FILIP1: variants seen among roughly 807,000 people sequenced by gnomAD.
The protein encoded by FILIP1 is filamin-A-interacting protein 1.
Under a neutral mutation model 102.1 loss-of-function variants are expected in FILIP1, and 61 were observed. The observed-to-expected ratio is 0.60, with a 90% CI of 0.49 to 0.74. The LOEUF (loss-of-function observed/expected upper bound fraction) is 0.74, where lower values mean the gene tolerates loss of function less well. Ranked by LOEUF, FILIP1 falls within the 30% of genes least tolerant of loss-of-function variation. FILIP1 has a pLI of 0.00. For missense variants in FILIP1, 1,314 were observed against 1,441.2 expected, an observed-to-expected ratio of 0.91 and a Z score of 1.43; for synonymous variants, 491 against 526.9, an observed-to-expected ratio of 0.93 and a Z score of 0.93.
intron 1 of FILIP1, among the ~76,000 whole-genome samples, chr6:75,461,524 C>A (rs1779022504): frequency 6.6e-6 from 1 of 151,980 alleles, no homozygotes; most frequent in South Asian, 2.1e-4. Context: ...AAGAAAAAAA[C>A]AAAGTCCATT....
At chr6:75,446,720 C>T (rs1335116838) in intron 1 of FILIP1, among the ~76,000 whole-genome samples, 1 of 152,130 alleles carries the variant, frequency 6.6e-6, no homozygotes, top group Non-Finnish European at 1.5e-5. Context: ...CCTTGGTTTG[C>T]CCCAGTTCAC....
In FILIP1 at chr6:75,362,811, T is replaced by C; in HGVS notation, c.383A>G (p.His128Arg). The change falls in exon 3 of 6, where the codon CAC becomes CGC. Residue 128 changes from histidine (H) to arginine (R), a missense_variant. Around this residue, in one of 3 missense-constraint regions of FILIP1, gnomAD observed 494 missense variants for 511.2 expected, o/e 0.97. Transcript: ENST00000237172. ...CTCCTGGGCAAGAATGGCATCTCGG[T>C]GCAGGACCCGCAGCACTTTCTCTGG... ...AEPEKVLRVLHRDAILAQEKS... is the reference protein window; with the variant it reads ...AEPEKVLRVLRRDAILAQEKS... The C allele has an allele frequency of 6.2e-7, 1 of 1,613,988 alleles. No homozygotes were observed. Among genetic ancestry groups the C allele is most frequent in the South Asian group, 1.1e-5 (1 of 91,052 alleles).
chr6:75,465,664 C>T, intron 1 of FILIP1: 1 of 252,084 alleles, frequency 4.0e-6, no homozygotes, highest in South Asian at 1.1e-4. Flanking sequence ...ATCTTATAGA[C>T]TTCAAAGTAC....
intron 3 of FILIP1, among the ~76,000 whole-genome samples, chr6:75,354,738 T>C (rs1774933473): frequency 6.6e-6 from 1 of 152,208 alleles, no homozygotes; most frequent in South Asian, 2.1e-4. Flanking sequence ...ACGGTTTTAA[T>C]GAGATAGCAC....
At chr6:75,363,698 G>A (rs1042517799) in intron 2 of FILIP1, among the ~76,000 whole-genome samples, 2 of 152,144 alleles carry the variant, frequency 1.3e-5, no homozygotes, top group Non-Finnish European at 2.9e-5. Context: ...TTTATGTTTT[G>A]CACTCGTTAG....
intron 5 of FILIP1, 82 bp from the exon 6 acceptor site, chr6:75,308,979 G>T (rs1030186376): frequency 2.0e-6 from 3 of 1,464,422 alleles, no homozygotes; most frequent in Non-Finnish European, 2.8e-6. Context: ...ACATTAGTGG[G>T]ACTCTTGCCA....
chr6:75,317,936 C>T (rs1398507225), intron 4 of FILIP1, among the ~76,000 whole-genome samples: 1 of 152,198 alleles, frequency 6.6e-6, no homozygotes, highest in African/African-American at 2.4e-5. Context: ...TGCAATCAAA[C>T]TTCTTACAGG....
chr6:75,463,269 T>A (rs889491725), intron 1 of FILIP1, among the ~76,000 whole-genome samples: 2 of 152,198 alleles, frequency 1.3e-5, no homozygotes, highest in Non-Finnish European at 2.9e-5. Flanking sequence ...AGAAAAAATT[T>A]CATATATTCA....
At chr6:75,389,054 T>G (rs901340834) in intron 2 of FILIP1, among the ~76,000 whole-genome samples, 8 of 152,206 alleles carry the variant, frequency 5.3e-5, no homozygotes, top group Non-Finnish European at 1.2e-4. Context: ...CATCAACACC[T>G]AGTTTATTGA....
intron 2 of FILIP1, among the ~76,000 whole-genome samples, chr6:75,391,664 T>C (rs1334760367): frequency 1.3e-5 from 2 of 152,170 alleles, no homozygotes; most frequent in Admixed American, 6.6e-5. Flanking sequence ...AGCTAGGACA[T>C]TGCTCCAGTC....
chr6:75,414,910 G>A lies in FILIP1; in HGVS notation c.63C>T (p.Pro21=), dbSNP rs748405222. 3.8e-5 allele frequency: 61 copies of A among 1,613,720 alleles called. No individual in the cohort carries two copies. Among genetic ancestry groups the A allele is most frequent in the Non-Finnish European group, 4.7e-5 (55 of 1,179,876 alleles). Residue 21 remains proline, a synonymous_variant, in exon 2 of 6, where the codon CCC becomes CCT. Coordinates refer to ENST00000237172, the MANE Select transcript of FILIP1 (RefSeq NM_015687.5). ...ASDGHISCPK[P]SIIGNAGEKS... is the part of the protein sequence containing the mutation. ...TTTCACCAGCATTGCCGATGATGGAGGGCTTGGGACAGGAGATATGCCCAT... is the reference window on the plus strand; with the variant it reads ...TTTCACCAGCATTGCCGATGATGGAAGGCTTGGGACAGGAGATATGCCCAT...
At chr6:75,305,643 G>A (rs563972075), downstream of FILIP1, among the ~76,000 whole-genome samples, 5 of 152,290 alleles carry the variant, frequency 3.3e-5, no homozygotes, top group East Asian at 5.8e-4. Context: ...GTCCCATATC[G>A]AAACATTTCT....
intron 4 of FILIP1, among the ~76,000 whole-genome samples, chr6:75,327,595 A>AG (rs1773912772): frequency 1.3e-5 from 1 of 74,106 alleles, no homozygotes; most frequent in African/African-American, 5.9e-5. Context: ...TATAAAATAA[A>AG]AAGGTCAATG....
At chr6:75,321,800 CAAA>C (rs989422573) in intron 4 of FILIP1, among the ~76,000 whole-genome samples, 4 of 77,010 alleles carry the variant, frequency 5.2e-5, no homozygotes, top group Admixed American at 1.5e-4. Flanking sequence ...GACTCCGTCT[CAAA>C]AAAAAAAAAA....
At chr6:75,331,310 A>G (rs1774071603) in intron 4 of FILIP1, among the ~76,000 whole-genome samples, 1 of 152,150 alleles carries the variant, frequency 6.6e-6, no homozygotes, top group Admixed American at 6.6e-5. Flanking sequence ...TAATTTGCTG[A>G]CCATCCAGGA....
In FILIP1 at chr6:75,395,266, T is replaced by C. The variant is rs1328697818; in HGVS notation, c.276+19431A>G. ...TAACCATTCAAAATTTAAACTAAAATAGTTTTAACATAATTTTTTTTTCTT... is the reference window on the plus strand; with the variant it reads ...TAACCATTCAAAATTTAAACTAAAACAGTTTTAACATAATTTTTTTTTCTT... On this transcript the variant is annotated intron_variant, in intron 2 of 5. Transcript: ENST00000237172. 2.6e-5 allele frequency among the ~76,000 whole-genome samples: 4 copies of C among 152,264 alleles called. No homozygotes were observed. The South Asian group carries it at 8.3e-4, about 32-fold the overall frequency.
At chr6:75,491,011 T>C (rs887687187) in intron 1 of FILIP1, among the ~76,000 whole-genome samples, 2 of 152,118 alleles carry the variant, frequency 1.3e-5, no homozygotes, top group Non-Finnish European at 2.9e-5. Context: ...TTGCACCTAA[T>C]AGACGTCATA....
intron 4 of FILIP1, among the ~76,000 whole-genome samples, chr6:75,352,134 GTTCTATT>G (rs1201807657): frequency 1.3e-5 from 2 of 152,130 alleles, no homozygotes; most frequent in Admixed American, 1.3e-4. Flanking sequence ...AGCCAAGCCT[GTTCTATT>G]TTATGCTTTT....
intron 3 of FILIP1, chr6:75,358,493 G>C (rs1195006940): frequency 1.3e-5 from 2 of 152,250 alleles, no homozygotes; most frequent in African/African-American, 4.8e-5. Context: ...AAGGCATTGA[G>C]GAGGACACTG....
Sources: allele counts gnomAD v4.1 joint callset (sites outside exome capture counted in the v4.1 genomes callset), GRCh38; gene constraint gnomAD v4.1.1; regional missense constraint gnomAD v4.1.1; transcripts MANE v1.5; gene names NCBI Gene and HGNC (gene_info 2026-07-23, HGNC 2026-07-21).